The following LCMT1 variants were observed in gnomAD, a reference collection of about 807,000 sequenced individuals.
LCMT1 encodes [Phosphatase 2A protein]-leucine-carboxy methyltransferase 1.
A neutral mutation model predicts 47.7 loss-of-function variants in LCMT1; 32 were observed. That is an observed-to-expected ratio of 0.67 (90% CI 0.51 to 0.90). LCMT1 has a LOEUF of 0.90. LCMT1 is among the 40% of genes least tolerant of loss of function. The probability of loss-of-function intolerance (pLI) is 0.00; values close to 1 mark genes in which losing one functional copy is unlikely to be tolerated. For missense variants in LCMT1, 375 were observed against 415.2 expected, an observed-to-expected ratio of 0.90 and a Z score of 0.84; for synonymous variants, 152 against 149.7, an observed-to-expected ratio of 1.02 and a Z score of -0.11.
At chr16:25,170,842 A>C (rs1961742847) in intron 9 of LCMT1, 37 bp downstream of exon 9, 2 of 1,343,234 alleles carry the variant, frequency 1.5e-6, no homozygotes, top group African/African-American at 2.9e-5. Flanking sequence ...ATGGGCATTC[A>C]TTGTGAACTC....
At chr16:25,137,309 C>T (rs532543543) in intron 3 of LCMT1, among the ~76,000 whole-genome samples, 10 of 152,230 alleles carry the variant, frequency 6.6e-5, no homozygotes, top group Middle Eastern at 3.4e-3. Flanking sequence ...GCTGGGATTA[C>T]AGGCGTGAGC....
intron 3 of LCMT1, among the ~76,000 whole-genome samples, chr16:25,138,398 G>T (rs1960567545): frequency 6.6e-6 from 1 of 152,122 alleles, no homozygotes; most frequent in Non-Finnish European, 1.5e-5. Flanking sequence ...GTACTGGGTG[G>T]CTGGATAGCG....
intron 1 of LCMT1, chr16:25,126,199 G>A (rs142608006): frequency 9.2e-5 from 118 of 1,275,908 alleles, no homozygotes; most frequent in Non-Finnish European, 1.1e-4. Flanking sequence ...TTATGGACCC[G>A]TGCATCTCAC....
chr16:25,169,593 A>G (rs1961692570), intron 8 of LCMT1: 1 of 180,102 alleles, frequency 5.6e-6, no homozygotes, highest in Non-Finnish European at 1.2e-5. Context: ...AATCCCAGAC[A>G]GCACATGATT....
intron 5 of LCMT1, among the ~76,000 whole-genome samples, chr16:25,157,836 G>T (rs1961306770): frequency 6.6e-6 from 1 of 152,130 alleles, no homozygotes; most frequent in African/African-American, 2.4e-5. Flanking sequence ...AGGCCAGGGG[G>T]TCCCCACCTT....
intron 7 of LCMT1, among the ~76,000 whole-genome samples, chr16:25,165,687 T>G (rs1018985760): frequency 6.6e-6 from 1 of 151,788 alleles, no homozygotes; most frequent in African/African-American, 2.4e-5. Flanking sequence ...CCAGCTAATT[T>G]TGTATTTTTA....
intron 5 of LCMT1, among the ~76,000 whole-genome samples, chr16:25,156,259 A>G (rs765285627): frequency 8.6e-5 from 13 of 151,992 alleles, no homozygotes; most frequent in Non-Finnish European, 1.6e-4. Flanking sequence ...TTGATTACTC[A>G]TTTATTTAAT....
At chr16:25,165,662 C>T (rs1412482641) in intron 7 of LCMT1, among the ~76,000 whole-genome samples, 1 of 151,928 alleles carries the variant, frequency 6.6e-6, no homozygotes, top group Non-Finnish European at 1.5e-5. Context: ...GGATCACAGG[C>T]GTGCACCATC....
At chr16:25,159,930 C>G (rs1961368383) in intron 5 of LCMT1, among the ~76,000 whole-genome samples, 1 of 149,574 alleles carries the variant, frequency 6.7e-6, no homozygotes, top group East Asian at 2.0e-4. Context: ...ATAATAAAAT[C>G]AAGCAATTTT....
intron 9 of LCMT1, among the ~76,000 whole-genome samples, chr16:25,173,012 G>A (rs1175748703): frequency 6.6e-6 from 1 of 152,222 alleles, no homozygotes; most frequent in Non-Finnish European, 1.5e-5. Flanking sequence ...CGGGGGAGGC[G>A]GGTAAGGAGA....
chr16:25,160,317 G>GT (rs1961388660), intron 5 of LCMT1, among the ~76,000 whole-genome samples: 1 of 150,716 alleles, frequency 6.6e-6, no homozygotes, highest in Non-Finnish European at 1.5e-5. Context: ...CTATCAATCT[G>GT]GTTTAGCACG....
In LCMT1 at chr16:25,133,599, G is replaced by A. The variant is rs139209487; in HGVS notation, c.327+1076G>A. ...TTTTTAGTAGAGACGGGGTTTCACC[G>A]TGTTGGCCAGGCTGCTCACAATCTT... is the stretch of plus-strand genomic sequence containing the variant. On this transcript the variant is annotated intron_variant, in intron 3 of 10. Coordinates refer to ENST00000399069, the MANE Select transcript of LCMT1 (RefSeq NM_016309.3). Among the ~76,000 whole-genome samples the A allele has an allele frequency of 5.0e-3, 744 of 149,944 alleles. 11 individuals carry two copies. The highest frequency in any genetic ancestry group is 0.017 in the African/African-American group (710 of 40,960).
chr16:25,115,031 A>G (rs1181329231), intron 1 of LCMT1, among the ~76,000 whole-genome samples: 1 of 152,086 alleles, frequency 6.6e-6, no homozygotes, highest in African/African-American at 2.4e-5. Context: ...TTTCTTGAAC[A>G]CCTGGTCTGC....
At chr16:25,114,978 G>T (rs1025017144) in intron 1 of LCMT1, among the ~76,000 whole-genome samples, 4 of 152,082 alleles carry the variant, frequency 2.6e-5, no homozygotes, top group African/African-American at 9.7e-5. Context: ...TTCACCTTAG[G>T]TGACCTCAGC....
chr16:25,145,593 G>T (rs1189348184), intron 4 of LCMT1: 1 of 152,242 alleles, frequency 6.6e-6, no homozygotes, highest in Non-Finnish European at 1.5e-5. Flanking sequence ...ACCAGTGTTG[G>T]GTGGATGGGA....
At chr16:25,150,524 A>G (rs1643927310) in intron 4 of LCMT1, among the ~76,000 whole-genome samples, 1 of 151,588 alleles carries the variant, frequency 6.6e-6, no homozygotes, top group Non-Finnish European at 1.5e-5. Context: ...TTGTATTTTT[A>G]GTAGAGACGG....
chr16:25,134,893 GCT>G, intron 3 of LCMT1, among the ~76,000 whole-genome samples: 2 of 152,196 alleles, frequency 1.3e-5, no homozygotes, highest in South Asian at 4.1e-4. Context: ...GAGCCACTAT[GCT>G]CGGCTGACCT....
Position 25,112,234 on chromosome 16 carries a change from G to T in LCMT1, c.113+238G>T, listed in dbSNP as rs180937657. On this transcript the variant is annotated intron_variant, in intron 1 of 10. Transcript: ENST00000399069. ...GCCTGGGTATCGTCGATGGGAGCAG[G>T]CCCCTGAGCCAGACAGACGAGGCCT... 3.3e-5 allele frequency among the ~76,000 whole-genome samples: 5 copies of T among 152,362 alleles called. No homozygotes were observed. In the South Asian group the frequency reaches 6.2e-4, roughly 19 times the overall value.
intron 1 of LCMT1, among the ~76,000 whole-genome samples, chr16:25,119,255 C>T (rs1041513236): frequency 6.6e-6 from 1 of 151,918 alleles, no homozygotes; most frequent in Non-Finnish European, 1.5e-5. Context: ...TCCAAGAGGC[C>T]TCTCTGACAC....
Sources: gnomAD v4.1 joint callset for allele counts (sites outside exome capture counted in the v4.1 genomes callset) on GRCh38, gnomAD v4.1.1 for gene constraint, MANE v1.5 for transcripts, NCBI Gene and HGNC (gene_info 2026-07-23, HGNC 2026-07-21) for gene names.